The following RANBP9 variants were observed in gnomAD, a reference collection of about 807,000 sequenced individuals.
RANBP9 encodes the protein ran-binding protein 9.
A neutral mutation model predicts 84.3 loss-of-function variants in RANBP9; 15 were observed. The observed-to-expected ratio is 0.18, with a 90% CI of 0.12 to 0.27. The LOEUF is 0.27. RANBP9 is among the 10% of genes least tolerant of loss of function. The pLI, the probability that RANBP9 is intolerant of heterozygous loss-of-function variation, is 1.00. For synonymous variants in RANBP9, 392 were observed against 349.6 expected (o/e 1.12, Z -1.35); for missense variants, 809 against 912.8 (o/e 0.89, Z 1.46).
At chr6:13,687,582 C>A (rs945713771) in intron 2 of RANBP9, among the ~76,000 whole-genome samples, 2 of 152,228 alleles carry the variant, frequency 1.3e-5, no homozygotes, top group East Asian at 3.9e-4. Context: ...GGGAGTCATT[C>A]TTAACATTCT....
intron 8 of RANBP9, 69 bp from the exon 9 acceptor site, chr6:13,639,822 T>C (rs762568945): frequency 2.7e-5 from 35 of 1,305,850 alleles, no homozygotes; most frequent in Middle Eastern, 4.4e-4. Context: ...AGCAACAGAT[T>C]TCTAAAAATA....
chr6:13,633,673 G>A (rs1295517090), intron 11 of RANBP9, among the ~76,000 whole-genome samples: 2 of 152,126 alleles, frequency 1.3e-5, no homozygotes, highest in Non-Finnish European at 2.9e-5. Context: ...CAGAAACTGA[G>A]GTGGCTGATA....
chr6:13,644,633 T>C lies in RANBP9; in HGVS notation c.1024A>G (p.Met342Val), dbSNP rs539741908. The C allele has an allele frequency of 1.2e-6, 2 of 1,613,692 alleles. No individual in the cohort carries two copies. Among genetic ancestry groups the C allele is most frequent in the Non-Finnish European group, 1.7e-6 (2 of 1,179,754 alleles). ...HPFVFDIEDY[M>V]REWRTKIQAQ... ...TGGATTTTGGTTCTCCACTCCCGCA[T>C]ATAGTCTTCTATATCAAACACGAAA... Residue 342 changes from methionine (M) to valine (V), a missense_variant, in exon 6 of 14, where the codon ATG (methionine) becomes GTG (valine). By Grantham distance (21) the Met-to-Val change is conservative. Coordinates refer to ENST00000011619, the MANE Select transcript of RANBP9 (RefSeq NM_005493.3).
chr6:13,643,819 GTAATACAGATGA>G (rs1456985411), intron 6 of RANBP9, among the ~76,000 whole-genome samples: 1 of 152,160 alleles, frequency 6.6e-6, no homozygotes, highest in Non-Finnish European at 1.5e-5. Context: ...TCCAATCTCT[GTAATACAGATGA>G]TAATAGCTCC....
intron 2 of RANBP9, among the ~76,000 whole-genome samples, chr6:13,692,743 T>C (rs774630898): frequency 2.0e-5 from 3 of 151,394 alleles, no homozygotes; most frequent in African/African-American, 4.9e-5. Flanking sequence ...TCCCAGCTAC[T>C]TGGAAGGCTG....
rs933121370 is a variant in RANBP9 at position 13,711,113 on chromosome 6, G to A, written c.393C>T (p.Ala131=). The A allele has an allele frequency of 3.2e-6, 5 of 1,555,132 alleles. No individual in the cohort carries two copies. Among genetic ancestry groups the A allele is most frequent in the South Asian group, 1.2e-5 (1 of 85,140 alleles). The change falls in exon 1 of 14, where the codon GCC becomes GCT. Residue 131 remains alanine (A), a synonymous_variant. Coordinates refer to ENST00000011619, the MANE Select transcript of RANBP9 (RefSeq NM_005493.3). The stretch of plus-strand genomic sequence containing the variant: ...GGGCCGAGTCCCCGTGAGGGAAGGG[G>A]GCCGCGGCGCTGCTGCCCGCCACCA... ...PALVAGSSAA[A]PFPHGDSALN...
At position 13,685,417 on chromosome 6, in the gene RANBP9, T is replaced by C. The variant is rs78278446; in HGVS notation, c.683+11368A>G. Among the ~76,000 whole-genome samples, 1,497 of 152,112 alleles carry C rather than the reference T, an allele frequency of 9.8e-3. 16 individuals carry two copies. Among genetic ancestry groups the C allele is most frequent in the Middle Eastern group, 0.024 (7 of 294 alleles). On this transcript the variant is annotated intron_variant, in intron 2 of 13. Transcript: ENST00000011619. The stretch of plus-strand genomic sequence containing the variant: ...TCAATAATAATCCTCTACAAAAAAA[T>C]TCAAAAATAAGCCAGGCATAGGATA...
chr6:13,645,249 G>A (rs182127654), intron 5 of RANBP9, among the ~76,000 whole-genome samples: 5 of 152,094 alleles, frequency 3.3e-5, no homozygotes, highest in African/African-American at 9.6e-5. Flanking sequence ...CAAAGGGAAG[G>A]GGATAAGACC....
intron 3 of RANBP9, among the ~76,000 whole-genome samples, chr6:13,658,347 G>A (rs751603217): frequency 1.2e-4 from 19 of 152,170 alleles, no homozygotes; most frequent in South Asian, 2.1e-4. Context: ...GGTGGCTCAC[G>A]CCTGTAATCC....
intron 2 of RANBP9, among the ~76,000 whole-genome samples, chr6:13,683,664 T>C (rs1012403657): frequency 8.5e-5 from 13 of 152,120 alleles, no homozygotes; most frequent in African/African-American, 3.1e-4. Context: ...GGTAGGATTG[T>C]ATATGCTTTT....
intron 2 of RANBP9, among the ~76,000 whole-genome samples, chr6:13,695,947 G>A (rs565061654): frequency 6.6e-6 from 1 of 151,290 alleles, no homozygotes; most frequent in Non-Finnish European, 1.5e-5. Context: ...TATCCACACA[G>A]CTCAATAAGC....
intron 7 of RANBP9, among the ~76,000 whole-genome samples, chr6:13,642,165 T>C (rs1236310107): frequency 6.6e-6 from 1 of 152,186 alleles, no homozygotes; most frequent in East Asian, 1.9e-4. Context: ...AGGACTACTT[T>C]ATTATTATTT....
chr6:13,649,587 C>T (rs1402003432), intron 5 of RANBP9, among the ~76,000 whole-genome samples: 3 of 152,098 alleles, frequency 2.0e-5, no homozygotes, highest in Admixed American at 6.5e-5. Flanking sequence ...TGCACCTACA[C>T]ACTCTGCCTG....
intron 2 of RANBP9, among the ~76,000 whole-genome samples, chr6:13,675,444 T>G (rs945718569): frequency 2.6e-5 from 4 of 152,126 alleles, no homozygotes; most frequent in African/African-American, 9.7e-5. Flanking sequence ...AAAACTATTT[T>G]CAACTAAATG....
chr6:13,688,390 T>C (rs1766241317), intron 2 of RANBP9, among the ~76,000 whole-genome samples: 1 of 152,318 alleles, frequency 6.6e-6, no homozygotes, highest in Non-Finnish European at 1.5e-5. Context: ...GCTTCCTAGA[T>C]AGACTTCCCT....
At chr6:13,665,189 T>A (rs963501507) in intron 2 of RANBP9, among the ~76,000 whole-genome samples, 1 of 152,106 alleles carries the variant, frequency 6.6e-6, no homozygotes, top group Non-Finnish European at 1.5e-5. Context: ...ACTATCTTAA[T>A]GACTTGAGGA....
chr6:13,694,474 C>G (rs1562321614), intron 2 of RANBP9, among the ~76,000 whole-genome samples: 1 of 152,078 alleles, frequency 6.6e-6, no homozygotes, highest in Non-Finnish European at 1.5e-5. Context: ...GAAAACCAGT[C>G]AACAGTTACC....
At chr6:13,669,947 G>GA (rs1377702759) in intron 2 of RANBP9, among the ~76,000 whole-genome samples, 1 of 145,864 alleles carries the variant, frequency 6.9e-6, no homozygotes, top group Non-Finnish European at 1.5e-5. Flanking sequence ...GAAAGAACTG[G>GA]TTTTTTTTTT....
chr6:13,693,881 A>G (rs1766381764), intron 2 of RANBP9, among the ~76,000 whole-genome samples: 1 of 152,006 alleles, frequency 6.6e-6, no homozygotes, highest in Non-Finnish European at 1.5e-5. Context: ...TGTCTCTACT[A>G]AAAATACAAA....
Sources: allele counts gnomAD v4.1 joint callset (sites outside exome capture counted in the v4.1 genomes callset), GRCh38; gene constraint gnomAD v4.1.1; transcripts MANE v1.5; gene names NCBI Gene and HGNC (gene_info 2026-07-23, HGNC 2026-07-21).